The following DLG2 variants were observed in gnomAD, a reference collection of about 807,000 sequenced individuals.
DLG2 encodes the protein disks large homolog 2.
Under a neutral mutation model 132.5 loss-of-function variants are expected in DLG2, and 45 were observed. That is an observed-to-expected ratio of 0.34 (90% CI 0.27 to 0.44). DLG2 has a LOEUF of 0.44. DLG2 is among the 20% of genes least tolerant of loss of function. DLG2 has a pLI of 1.00. For synonymous variants in DLG2, 424 were observed against 419.6 expected (o/e 1.01, Z -0.13); for missense variants, 1,045 against 1,196.9 (o/e 0.87, Z 1.87).
intron 4 of DLG2, among the ~76,000 whole-genome samples, chr11:85,270,872 A>G (rs1011074059): frequency 1.3e-5 from 2 of 152,302 alleles, no homozygotes; most frequent in South Asian, 4.1e-4. Flanking sequence ...CTTGGGTCCT[A>G]TTAAAGGTAT....
chr11:85,579,446 T>A (rs1565711293), intron 3 of DLG2, among the ~76,000 whole-genome samples: 2 of 151,966 alleles, frequency 1.3e-5, no homozygotes, highest in Non-Finnish European at 2.9e-5. Flanking sequence ...TGCTTCTACA[T>A]TTAGGTTAGA....
chr11:84,153,797 T>G (rs2154253519), intron 9 of DLG2, among the ~76,000 whole-genome samples: 1 of 152,330 alleles, frequency 6.6e-6, no homozygotes, highest in East Asian at 1.9e-4. Context: ...TTCCTTGTCA[T>G]CCAGGCTTTG....
At chr11:84,924,501 C>T (rs2092904343) in intron 6 of DLG2, among the ~76,000 whole-genome samples, 1 of 152,126 alleles carries the variant, frequency 6.6e-6, no homozygotes, top group African/African-American at 2.4e-5. Flanking sequence ...GCTGAAGCAC[C>T]ATCAGAGTTA....
intron 7 of DLG2, among the ~76,000 whole-genome samples, chr11:84,518,939 A>C (rs2099283520): frequency 6.6e-6 from 1 of 152,184 alleles, no homozygotes; most frequent in African/African-American, 2.4e-5. Context: ...CATTTTATAT[A>C]ACAGTCTGCT....
intron 15 of DLG2, among the ~76,000 whole-genome samples, chr11:83,903,042 G>T (rs2073891759): frequency 6.6e-6 from 1 of 152,112 alleles, no homozygotes; most frequent in Non-Finnish European, 1.5e-5. Context: ...AATTTTATGG[G>T]TAGGTATTTC....
intron 3 of DLG2, among the ~76,000 whole-genome samples, chr11:85,421,080 C>T (rs1262472494): frequency 6.6e-6 from 1 of 152,192 alleles, no homozygotes; most frequent in Non-Finnish European, 1.5e-5. Context: ...CTTGAAAAGC[C>T]AGGGCCCTGG....
chr11:84,031,187 C>A (rs1257253587), intron 11 of DLG2, among the ~76,000 whole-genome samples: 1 of 149,772 alleles, frequency 6.7e-6, no homozygotes, highest in African/African-American at 2.5e-5. Flanking sequence ...AAACTAAGTA[C>A]TTTTCCCATG....
chr11:84,777,212 A>C (rs989626775), intron 6 of DLG2, among the ~76,000 whole-genome samples: 2 of 134,742 alleles, frequency 1.5e-5, no homozygotes, highest in East Asian at 4.4e-4. Context: ...ATGTTGCTGC[A>C]AAAGATGTAA....
intron 8 of DLG2, among the ~76,000 whole-genome samples, chr11:84,238,669 G>A (rs1490770381): frequency 1.3e-5 from 2 of 150,082 alleles, no homozygotes; most frequent in Admixed American, 6.6e-5. Flanking sequence ...AGAGTTTTTA[G>A]CTCAATCCAA....
At chr11:83,874,914 ACAT>A (rs2064378289) in intron 15 of DLG2, among the ~76,000 whole-genome samples, 1 of 152,178 alleles carries the variant, frequency 6.6e-6, no homozygotes, top group Non-Finnish European at 1.5e-5. Flanking sequence ...AAATGAACAA[ACAT>A]ATTTGGAAAA....
intron 6 of DLG2, among the ~76,000 whole-genome samples, chr11:84,652,437 T>C (rs1002079552): frequency 1.2e-4 from 18 of 152,156 alleles, no homozygotes; most frequent in Non-Finnish European, 1.5e-4. Flanking sequence ...GGTTGGATCA[T>C]TGTGGCATTC....
chr11:84,258,871 G>T (rs2097515030), intron 7 of DLG2, among the ~76,000 whole-genome samples: 1 of 152,146 alleles, frequency 6.6e-6, no homozygotes, highest in Non-Finnish European at 1.5e-5. Context: ...CAATTCCCCA[G>T]TTATCAGAGG....
chr11:84,913,462 A>G (rs1212264335), intron 6 of DLG2, among the ~76,000 whole-genome samples: 1 of 152,206 alleles, frequency 6.6e-6, no homozygotes, highest in East Asian at 1.9e-4. Context: ...AAGAAAAACA[A>G]TGCTTTCAGT....
chr11:83,478,422 T>C (rs1343114401), intron 22 of DLG2, among the ~76,000 whole-genome samples: 2 of 152,042 alleles, frequency 1.3e-5, no homozygotes, highest in African/African-American at 2.4e-5. Flanking sequence ...CATAGATAAT[T>C]TGAGATGCCT....
chr11:84,762,861 G>A (rs374426778), intron 6 of DLG2, among the ~76,000 whole-genome samples: 3 of 152,152 alleles, frequency 2.0e-5, no homozygotes, highest in African/African-American at 7.2e-5. Context: ...GGCTATGTTG[G>A]GAGAAATACA....
intron 7 of DLG2, among the ~76,000 whole-genome samples, chr11:84,364,290 C>T (rs543830174): frequency 1.3e-5 from 2 of 152,182 alleles, no homozygotes; most frequent in South Asian, 4.2e-4. Context: ...TGGGAGTTCA[C>T]TCATGATTTG....
chr11:84,369,244 C>A (rs183966715), intron 7 of DLG2, among the ~76,000 whole-genome samples: 1 of 152,084 alleles, frequency 6.6e-6, no homozygotes, highest in South Asian at 2.1e-4. Flanking sequence ...CTCCTTATCC[C>A]AGCCACCACA....
In DLG2 at chr11:85,111,675, C is replaced by G; in HGVS notation, c.343G>C (p.Val115Leu). ...CSVEAPAWMP[V>L]HHCTKYRYQD... Reference sequence around the variant, plus strand: ...ATCAAACTTACAGTACAGTGGTGGACAGGCATCCAAGCAGGGGCTTCCACT... The same window carrying G: ...ATCAAACTTACAGTACAGTGGTGGAGAGGCATCCAAGCAGGGGCTTCCACT... The change falls in exon 6 of 28, where the codon GTC becomes CTC. Residue 115 changes from valine (V) to leucine (L), a missense_variant. Val to Leu is a conservative substitution (Grantham distance 32). Transcript: ENST00000376104. 6.4e-7 allele frequency: 1 copy of G among 1,564,160 alleles called. No homozygotes were observed. The highest frequency in any genetic ancestry group is 8.7e-7 in the Non-Finnish European group (1 of 1,153,500).
chr11:85,491,939 A>G (rs2093569237), intron 3 of DLG2, among the ~76,000 whole-genome samples: 1 of 149,574 alleles, frequency 6.7e-6, no homozygotes, highest in Non-Finnish European at 1.5e-5. Context: ...AGCCAAACCA[A>G]TATTAAGCAA....
Sources: allele counts gnomAD v4.1 joint callset (sites outside exome capture counted in the v4.1 genomes callset), GRCh38; gene constraint gnomAD v4.1.1; transcripts MANE v1.5; gene names NCBI Gene and HGNC (gene_info 2026-07-23, HGNC 2026-07-21).